Variants in PCDHGA9 observed in about 807,000 individuals in gnomAD.
The protein encoded by PCDHGA9 is protocadherin gamma subfamily A, 9, also known as protocadherin gamma-A9.
PCDHGA9 carries 37 observed loss-of-function variants against 62.5 expected under a neutral mutation model. That is an observed-to-expected ratio of 0.59 (90% CI 0.46 to 0.78). The LOEUF (loss-of-function observed/expected upper bound fraction) is 0.78, where lower values mean the gene tolerates loss of function less well. Ranked by LOEUF, PCDHGA9 falls within the 30% of genes least tolerant of loss-of-function variation. PCDHGA9 has a pLI of 0.00. For missense variants in PCDHGA9, 1,138 were observed against 1,166.2 expected, an observed-to-expected ratio of 0.98 and a Z score of 0.35; for synonymous variants, 459 against 484.6, an observed-to-expected ratio of 0.95 and a Z score of 0.69.
rs2094586796 is a variant in PCDHGA9, at chr5:141,404,933, A to C, written c.1981A>C (p.Thr661Pro). Residue 661 changes from threonine (T) to proline (P), a missense_variant, in exon 1 of 4, where the codon ACA becomes CCA. By Grantham distance (38) the Thr-to-Pro change is conservative. Coordinates refer to ENST00000573521, the MANE Select transcript of PCDHGA9 (RefSeq NM_018921.3). Reference sequence around the variant, plus strand: ...CCCTCTCTCGGCCACTGTCACGCTCACAGTAGCCATAGCTGACAGCATCCC... The same window carrying C: ...CCCTCTCTCGGCCACTGTCACGCTCCCAGTAGCCATAGCTGACAGCATCCC... ...QPPLSATVTL[T>P]VAIADSIPDI... 1 of 1,613,764 alleles carries C rather than the reference A, an allele frequency of 6.2e-7. No individual in the cohort carries two copies. The highest frequency in any genetic ancestry group is 8.5e-7 in the Non-Finnish European group (1 of 1,179,862).
intron 1 of PCDHGA9, chr5:141,426,519 C>T: frequency 8.8e-6 from 3 of 341,848 alleles, no homozygotes; most frequent in South Asian, 6.9e-5. Flanking sequence ...TTACCGTGAA[C>T]ACGGAGAATG....
Position 141,432,211 on chromosome 5 carries a change from C to A in PCDHGA9, c.2424+26835C>A, listed in dbSNP as rs1390215329. On this transcript the variant is annotated intron_variant, in intron 1 of 3. Coordinates refer to ENST00000573521, the MANE Select transcript of PCDHGA9 (RefSeq NM_018921.3). The surrounding 1 kb of genome is among the most constrained non-coding windows in gnomAD (Gnocchi z 6.0). The stretch of plus-strand genomic sequence containing the variant: ...CCCACGACCCCGACTGTGAAGAGAA[C>A]GCCCAGATCACTTATTCCCTGGCTG... 1 of 1,614,232 alleles carries A rather than the reference C, an allele frequency of 6.2e-7. No individual in the cohort carries two copies. Among genetic ancestry groups the A allele is most frequent in the Admixed American group, 1.7e-5 (1 of 60,032 alleles).
Position 141,403,146 on chromosome 5 carries a change from G to T in PCDHGA9, c.194G>T (p.Arg65Leu), listed in dbSNP as rs1400601984. 1.2e-6 allele frequency: 2 copies of T among 1,614,056 alleles called. No homozygotes were observed. The highest frequency in any genetic ancestry group is 1.6e-4 in the Middle Eastern group (1 of 6,062). The part of the protein sequence containing the change: ...EPRELAERRV[R>L]IVSRGRTQLF... ...CGGGAGCTGGCGGAGCGCCGAGTCCGCATCGTCTCTAGAGGTAGGACGCAG... is the reference window on the plus strand; with the variant it reads ...CGGGAGCTGGCGGAGCGCCGAGTCCTCATCGTCTCTAGAGGTAGGACGCAG... Residue 65 changes from arginine to leucine, a missense_variant, in exon 1 of 4, where the codon CGC becomes CTC. By Grantham distance (102) the Arg-to-Leu change is moderately radical. Transcript: ENST00000573521.
intron 1 of PCDHGA9, chr5:141,413,430 C>T (rs745782366): frequency 6.2e-7 from 1 of 1,614,078 alleles, no homozygotes; most frequent in Admixed American, 1.7e-5. Context: ...ACCCGCGCAG[C>T]GGCAGCTTGA....
intron 1 of PCDHGA9, among the ~76,000 whole-genome samples, chr5:141,434,982 A>G (rs908716553): frequency 3.3e-5 from 5 of 152,084 alleles, no homozygotes; most frequent in East Asian, 1.9e-4. Flanking sequence ...TTAATACTCT[A>G]TATCATTTTC....
intron 1 of PCDHGA9, among the ~76,000 whole-genome samples, chr5:141,450,062 A>G (rs546772416): frequency 1.1e-4 from 15 of 142,322 alleles, no homozygotes; most frequent in African/African-American, 4.0e-4. Flanking sequence ...GCTGGAATGC[A>G]GTGGTATGAT....
Position 141,485,209 on chromosome 5 carries a change from G to T in PCDHGA9, c.2425-9598G>T, listed in dbSNP as rs2099609420. The T allele has an allele frequency of 6.2e-7, 1 of 1,614,032 alleles. No individual in the cohort carries two copies. Among genetic ancestry groups the T allele is most frequent in the African/African-American group, 1.3e-5 (1 of 74,938 alleles). On this transcript the variant is annotated intron_variant, in intron 1 of 3. Transcript: ENST00000573521. This position sits in a 1 kb window ranked among gnomAD's most constrained non-coding sequence, Gnocchi z 5.7. Reference sequence around the variant, plus strand: ...AGGTGAGAAGCTGGACAGAAATCTGGCGGTGGGCTACCCTTTTGTTCCTCT... The same window carrying T: ...AGGTGAGAAGCTGGACAGAAATCTGTCGGTGGGCTACCCTTTTGTTCCTCT...
Position 141,487,007 on chromosome 5 carries a change from G to A in PCDHGA9, c.2425-7800G>A, listed in dbSNP as rs563548715. The A allele has an allele frequency of 3.1e-6, 5 of 1,614,206 alleles. No homozygotes were observed. In the South Asian group the frequency reaches 5.5e-5, roughly 18 times the overall value. ...TGCTTGGGTTTCCTATCAGCTCCTGGAGGCCCCAGATCCCAGCCTGTTTGC... is the reference window on the plus strand; with the variant it reads ...TGCTTGGGTTTCCTATCAGCTCCTGAAGGCCCCAGATCCCAGCCTGTTTGC... On this transcript the variant is annotated intron_variant, in intron 1 of 3. Transcript: ENST00000573521. This position sits in a 1 kb window ranked among gnomAD's most constrained non-coding sequence, Gnocchi z 5.0.
chr5:141,428,063 C>T lies in PCDHGA9; in HGVS notation c.2424+22687C>T, dbSNP rs777477669. 12 of 1,609,054 alleles carry T rather than the reference C, an allele frequency of 7.5e-6. No individual in the cohort carries two copies. In the African/African-American group the frequency reaches 1.3e-4, roughly 18 times the overall value. ...TGGTGACCAAGGTGGTGGCGGTGGA[C>T]GCAGATTCGGGACACAACGCTTGGC... On this transcript the variant is annotated intron_variant, in intron 1 of 3. Coordinates refer to ENST00000573521, the MANE Select transcript of PCDHGA9 (RefSeq NM_018921.3).
intron 1 of PCDHGA9, among the ~76,000 whole-genome samples, chr5:141,465,422 G>A (rs74711061): frequency 0.01 from 1,576 of 152,260 alleles, 21 homozygotes; most frequent in African/African-American, 0.037. Context: ...AGCACTGAAA[G>A]GTGGGCACTT....
rs2233600 is a variant in PCDHGA9, at chr5:141,489,134, A to C, written c.2425-5673A>C. 9,827 of 731,232 alleles carry C rather than the reference A, an allele frequency of 0.013. 1,099 individuals are homozygous for C. The East Asian group carries it at 0.25, about 19-fold the overall frequency. The allele number at this position is 731,232 out of a possible 1,614,324, so 45.3% of individuals were successfully genotyped here. A position where few individuals can be genotyped will look rare whatever the true frequency, so the allele number is the denominator to read the frequency against. Reference sequence around the variant, plus strand: ...GGCAAACCTCCGAGCAGTTTTTAAGAGGCTGGAAGGAGACATAAGAGACTT... The same window carrying C: ...GGCAAACCTCCGAGCAGTTTTTAAGCGGCTGGAAGGAGACATAAGAGACTT... On this transcript the variant is annotated intron_variant, in intron 1 of 3. Transcript: ENST00000573521. The surrounding 1 kb of genome is among the most constrained non-coding windows in gnomAD (Gnocchi z 4.5).
At chr5:141,463,900 C>G (rs879243077) in intron 1 of PCDHGA9, among the ~76,000 whole-genome samples, 4 of 152,168 alleles carry the variant, frequency 2.6e-5, no homozygotes, top group Admixed American at 2.6e-4. Context: ...GCTTTTTGTA[C>G]TAATAATATA....
intron 3 of PCDHGA9, among the ~76,000 whole-genome samples, chr5:141,510,147 C>T (rs1416633745): frequency 1.3e-5 from 2 of 151,984 alleles, no homozygotes; most frequent in Non-Finnish European, 2.9e-5. Flanking sequence ...GTGGTGTGCA[C>T]CTGTAATCTC....
rs1267617024 is a variant in PCDHGA9 at position 141,476,542 on chromosome 5, G to T, written c.2425-18265G>T. The T allele has an allele frequency of 6.2e-7, 1 of 1,614,210 alleles. No individual in the cohort carries two copies. The highest frequency in any genetic ancestry group is 1.7e-5 in the Admixed American group (1 of 60,036). On this transcript the variant is annotated intron_variant, in intron 1 of 3. Transcript: ENST00000573521. This position sits in a 1 kb window ranked among gnomAD's most constrained non-coding sequence, Gnocchi z 7.6. ...CTTTCCCTACCCAGGAAATGAAATT[G>T]GAGATTAGCGAGGCCGTGGCTCCGG...
chr5:141,441,752 C>T, intron 1 of PCDHGA9: 2 of 378,086 alleles, frequency 5.3e-6, no homozygotes, highest in Non-Finnish European at 1.1e-5. Context: ...TCGGCGTCAA[C>T]GTGAGCCTGC....
At chr5:141,462,813 TTGG>T (rs1474162732) in intron 1 of PCDHGA9, among the ~76,000 whole-genome samples, 1 of 152,198 alleles carries the variant, frequency 6.6e-6, no homozygotes, top group African/African-American at 2.4e-5. Flanking sequence ...AATGTTTTTA[TTGG>T]ACAGCAGACA....
intron 1 of PCDHGA9, among the ~76,000 whole-genome samples, chr5:141,492,927 G>A (rs925569925): frequency 2.0e-5 from 3 of 152,180 alleles, no homozygotes; most frequent in Admixed American, 6.5e-5. Context: ...AGCGATCTAG[G>A]GTCAGAGATT....
At chr5:141,492,163 C>T (rs921256341) in intron 1 of PCDHGA9, among the ~76,000 whole-genome samples, 22 of 152,232 alleles carry the variant, frequency 1.4e-4, no homozygotes, top group African/African-American at 5.3e-4. Context: ...CCTCCCTATC[C>T]CCGCATCACC....
intron 1 of PCDHGA9, chr5:141,478,139 G>A: frequency 6.2e-7 from 1 of 1,614,040 alleles, no homozygotes; most frequent in Non-Finnish European, 8.5e-7. Context: ...TGAAGCCCGA[G>A]CCGAGTTCCC....
Sources: gnomAD v4.1 joint callset for allele counts (sites outside exome capture counted in the v4.1 genomes callset) on GRCh38, gnomAD v4.1.1 for gene constraint, Gnocchi (gnomAD v3.1) non-coding constraint, MANE v1.5 for transcripts, NCBI Gene and HGNC (gene_info 2026-07-23, HGNC 2026-07-21) for gene names.